The following DEUP1 variants were observed in gnomAD, a reference collection of about 807,000 sequenced individuals.
DEUP1 encodes coiled-coil domain containing 67.
DEUP1 carries 82 observed loss-of-function variants against 87.4 expected under a neutral mutation model. The observed-to-expected ratio is 0.94, with a 90% CI of 0.78 to 1.13. The LOEUF is 1.13. Among genes scored for constraint, DEUP1 ranks in the 50% most tolerant of loss-of-function variants. The pLI, the probability that DEUP1 is intolerant of heterozygous loss-of-function variation, is 0.00. For synonymous variants in DEUP1, 214 were observed against 222.7 expected (o/e 0.96, Z 0.35); for missense variants, 663 against 681.5 (o/e 0.97, Z 0.30).
intron 5 of DEUP1, among the ~76,000 whole-genome samples, chr11:93,368,587 C>T (rs889995325): frequency 5.3e-5 from 8 of 152,102 alleles, no homozygotes; most frequent in African/African-American, 1.9e-4. Flanking sequence ...TTCAAACAAC[C>T]AGATCTCATG....
At chr11:93,343,186 AC>A (rs1323096985) in intron 2 of DEUP1, among the ~76,000 whole-genome samples, 3 of 152,144 alleles carry the variant, frequency 2.0e-5, no homozygotes, top group Non-Finnish European at 4.4e-5. Flanking sequence ...ATTAATTAAA[AC>A]GTTGTCTAGA....
intron 12 of DEUP1, chr11:93,411,261 A>G (rs1219116685): frequency 6.6e-6 from 1 of 152,258 alleles, no homozygotes; most frequent in Non-Finnish European, 1.5e-5. Flanking sequence ...TCAAAAACAT[A>G]CAAAGTATCT....
At chr11:93,381,810 A>T (rs11821346) in intron 7 of DEUP1, among the ~76,000 whole-genome samples, 14,746 of 152,124 alleles carry the variant, frequency 0.097, 1,890 homozygotes, top group African/African-American at 0.29. Flanking sequence ...AAATGAGTGA[A>T]ACTAACATAT....
At chr11:93,411,938 T>C (rs1450078389) in intron 12 of DEUP1, among the ~76,000 whole-genome samples, 2 of 152,174 alleles carry the variant, frequency 1.3e-5, no homozygotes, top group African/African-American at 2.4e-5. Context: ...TGTCAAGGAA[T>C]GAATAGACAT....
At chr11:93,411,488 T>C (rs983591229) in intron 12 of DEUP1, among the ~76,000 whole-genome samples, 1 of 152,074 alleles carries the variant, frequency 6.6e-6, no homozygotes, top group Non-Finnish European at 1.5e-5. Flanking sequence ...TTTTTAATGC[T>C]CACTCACTTA....
In DEUP1 at chr11:93,336,072, C is replaced by G. The variant is rs185344629; in HGVS notation, c.29+3784C>G. 5.2e-3 allele frequency among the ~76,000 whole-genome samples: 798 copies of G among 152,266 alleles called. 3 individuals are homozygous for G. Among genetic ancestry groups the G allele is most frequent in the African/African-American group, 0.018 (751 of 41,556 alleles). On this transcript the variant is annotated intron_variant, in intron 2 of 13. Coordinates refer to ENST00000298050, the MANE Select transcript of DEUP1 (RefSeq NM_181645.4). ...AAGTTGCAGTGAGCCGAGATTGTGC[C>G]ATTCCACTCCAGCCTGGGCAACAAG...
intron 9 of DEUP1, among the ~76,000 whole-genome samples, 188 bp downstream of exon 9, chr11:93,389,313 G>C (rs953417436): frequency 6.6e-6 from 1 of 152,180 alleles, no homozygotes; most frequent in African/African-American, 2.4e-5. Flanking sequence ...CAAACCTTAA[G>C]TTATCACTGT....
At chr11:93,348,216 T>G (rs1475269651) in intron 2 of DEUP1, among the ~76,000 whole-genome samples, 1 of 152,240 alleles carries the variant, frequency 6.6e-6, no homozygotes, top group Non-Finnish European at 1.5e-5. Context: ...TAATTGTGTT[T>G]ATTTGGATCT....
chr11:93,372,545 T>A (rs944845555), intron 7 of DEUP1, among the ~76,000 whole-genome samples: 1 of 152,162 alleles, frequency 6.6e-6, no homozygotes, highest in Non-Finnish European at 1.5e-5. Context: ...TGGGATTATA[T>A]AGGGAGTTAG....
At chr11:93,428,770 T>C (rs1361003482) in intron 13 of DEUP1, among the ~76,000 whole-genome samples, 1 of 152,190 alleles carries the variant, frequency 6.6e-6, no homozygotes, top group Non-Finnish European at 1.5e-5. Flanking sequence ...TTCATTACCC[T>C]GGTCATAGGC....
At chr11:93,360,901 T>C (rs1302794203) in intron 4 of DEUP1, among the ~76,000 whole-genome samples, 1 of 40,552 alleles carries the variant, frequency 2.5e-5, no homozygotes, top group African/African-American at 1.0e-4. Context: ...GTTACAAAAC[T>C]TAGCAAAAAA....
intron 7 of DEUP1, among the ~76,000 whole-genome samples, chr11:93,380,134 C>T (rs907646007): frequency 1.3e-5 from 2 of 152,078 alleles, no homozygotes; most frequent in Non-Finnish European, 2.9e-5. Flanking sequence ...TGTTAAACAC[C>T]CTACAGTGCA....
At chr11:93,403,985 A>G (rs1283073246) in intron 11 of DEUP1, among the ~76,000 whole-genome samples, 1 of 152,074 alleles carries the variant, frequency 6.6e-6, no homozygotes, top group Non-Finnish European at 1.5e-5. Flanking sequence ...TCCTTTCTAC[A>G]AGGAAATTAC....
intron 5 of DEUP1, among the ~76,000 whole-genome samples, chr11:93,367,866 A>G (rs1262664298): frequency 2.0e-5 from 3 of 152,154 alleles, no homozygotes; most frequent in Admixed American, 6.5e-5. Context: ...ATACTGTACC[A>G]TGTTTTTGTT....
chr11:93,364,319 T>C (rs770101751), intron 5 of DEUP1, 25 bp downstream of exon 5: 1 of 1,590,124 alleles, frequency 6.3e-7, no homozygotes, highest in Non-Finnish European at 8.6e-7. Flanking sequence ...CTTAGTTTCT[T>C]CATGTGTATT....
Position 93,338,374 on chromosome 11 carries a change from GTGCC to G in DEUP1, c.29+6089_29+6092del, listed in dbSNP as rs369964114. On this transcript the variant is annotated intron_variant, in intron 2 of 13. Coordinates refer to ENST00000298050, the MANE Select transcript of DEUP1 (RefSeq NM_181645.4). ...CTGTCACACCACAGGGACAAGCACA[GTGCC>G]TGACATAGGGTAATTATGCAGTCAA... Among the ~76,000 whole-genome samples the G allele has an allele frequency of 5.8e-3, 885 of 151,772 alleles. 8 individuals carry two copies. The highest frequency in any genetic ancestry group is 0.019 in the African/African-American group (797 of 41,378).
At position 93,428,265 on chromosome 11, in the gene DEUP1, A is replaced by AT. The variant is rs1296507113; in HGVS notation, c.1639-9277dup. 1.2e-3 allele frequency among the ~76,000 whole-genome samples: 180 copies of AT among 152,236 alleles called. 2 individuals carry two copies. The highest frequency in any genetic ancestry group is 3.1e-4 in the Non-Finnish European group (21 of 67,986). The stretch of plus-strand genomic sequence containing the variant: ...GTACACCATGGAATACTATGCAGCC[A>AT]TAAAAAATGATGAGTTCATGTCCTC... On this transcript the variant is annotated intron_variant, in intron 13 of 13. Coordinates refer to ENST00000298050, the MANE Select transcript of DEUP1 (RefSeq NM_181645.4).
intron 1 of DEUP1, among the ~76,000 whole-genome samples, chr11:93,331,437 G>A (rs1036263099): frequency 6.6e-6 from 1 of 151,040 alleles, no homozygotes; most frequent in Non-Finnish European, 1.5e-5. Context: ...AGTGCCCATA[G>A]AGCCATTGAA....
At chr11:93,332,433 G>T in intron 2 of DEUP1, 145 bp downstream of exon 2, 1 of 619,134 alleles carries the variant, frequency 1.6e-6, no homozygotes, top group South Asian at 2.2e-5. Flanking sequence ...AATATGAAGT[G>T]ACTGTAATTA....
Sources: allele counts gnomAD v4.1 joint callset (sites outside exome capture counted in the v4.1 genomes callset), GRCh38; gene constraint gnomAD v4.1.1; transcripts MANE v1.5; gene names NCBI Gene and HGNC (gene_info 2026-07-23, HGNC 2026-07-21).